NT5C2: variants seen among roughly 807,000 people sequenced by gnomAD.
NT5C2 encodes the protein cytosolic purine 5'-nucleotidase.
NT5C2 carries 58 observed loss-of-function variants against 76.1 expected under a neutral mutation model. That is an observed-to-expected ratio of 0.76 (90% CI 0.62 to 0.95). NT5C2 has a LOEUF of 0.95. NT5C2 is among the 40% of genes least tolerant of loss of function. The pLI is 0.00. For missense variants in NT5C2, 478 were observed against 690.3 expected (o/e 0.69, Z 3.45); for synonymous variants, 229 against 237.4 (o/e 0.96, Z 0.32).
intron 2 of NT5C2, among the ~76,000 whole-genome samples, chr10:103,175,292 G>A (rs1252281109): frequency 1.3e-5 from 2 of 152,302 alleles, no homozygotes; most frequent in Middle Eastern, 3.4e-3. Context: ...CAGCACAGCA[G>A]TTTGTGAAGA....
intron 3 of NT5C2, among the ~76,000 whole-genome samples, chr10:103,161,039 T>C (rs2084730295): frequency 6.6e-6 from 1 of 152,098 alleles, no homozygotes; most frequent in South Asian, 2.1e-4. Context: ...GATGAGGATT[T>C]GGAGAAACTG....
intron 5 of NT5C2, 51 bp downstream of exon 5, chr10:103,106,538 A>C: frequency 9.1e-7 from 1 of 1,099,042 alleles, no homozygotes; most frequent in Non-Finnish European, 1.4e-6. Context: ...TTGAGGGGTA[A>C]GGAAAGTAGT....
rs1296726623 is a variant in NT5C2 at position 103,093,325 on chromosome 10, G to C, written c.989-16C>G. Reference sequence around the variant, plus strand: ...TCAGAAGAACCTGAACCAACAGAGTGAACAATGAGAAAACTGTCCCTATAT... The same window carrying C: ...TCAGAAGAACCTGAACCAACAGAGTCAACAATGAGAAAACTGTCCCTATAT... On this transcript the variant is annotated splice_polypyrimidine_tract_variant and intron_variant, in intron 14 of 18. Transcript: ENST00000404739. The C allele has an allele frequency of 6.6e-7, 1 of 1,520,348 alleles. No individual in the cohort carries two copies. The highest frequency in any genetic ancestry group is 2.4e-5 in the East Asian group (1 of 42,120). 94.2% of individuals were successfully genotyped at this position (1,520,348 alleles called of 1,614,324 possible).
intron 4 of NT5C2, among the ~76,000 whole-genome samples, chr10:103,129,562 C>T (rs1480645352): frequency 1.1e-3 from 109 of 98,994 alleles, no homozygotes; most frequent in African/African-American, 3.1e-3. Context: ...CCGCCCCGTC[C>T]GGGAGGGAGG....
intron 4 of NT5C2, among the ~76,000 whole-genome samples, chr10:103,138,593 C>T (rs1309578877): frequency 6.6e-6 from 1 of 152,120 alleles, no homozygotes. Context: ...CATTCATGTC[C>T]CTGCAAAAGG....
intron 4 of NT5C2, chr10:103,111,847 A>G: frequency 8.5e-7 from 1 of 1,178,342 alleles, no homozygotes; most frequent in Non-Finnish European, 1.1e-6. Context: ...CAAAAACAAA[A>G]ACAAAAGCTG....
chr10:103,141,797 G>C (rs937381325), intron 3 of NT5C2, among the ~76,000 whole-genome samples: 8 of 152,194 alleles, frequency 5.3e-5, no homozygotes, highest in Admixed American at 5.2e-4. Flanking sequence ...ACAAAAGACT[G>C]TACCAGCCCT....
intron 3 of NT5C2, among the ~76,000 whole-genome samples, chr10:103,162,771 A>AT (rs1054777620): frequency 6.6e-6 from 1 of 152,150 alleles, no homozygotes; most frequent in Non-Finnish European, 1.5e-5. Context: ...CATTATTCTT[A>AT]TTTTTTTCAA....
intron 15 of NT5C2, 73 bp downstream of exon 15, chr10:103,093,066 G>T: frequency 1.5e-6 from 2 of 1,314,122 alleles, no homozygotes; most frequent in Non-Finnish European, 2.0e-6. Context: ...CAAAGTAATG[G>T]TTTATCAAAG....
At chr10:103,112,297 C>T (rs985074464) in intron 4 of NT5C2, among the ~76,000 whole-genome samples, 1 of 152,016 alleles carries the variant, frequency 6.6e-6, no homozygotes, top group African/African-American at 2.4e-5. Context: ...TCTACCTATA[C>T]CTAACTACTA....
intron 4 of NT5C2, among the ~76,000 whole-genome samples, chr10:103,130,310 T>TA (rs2077882918): frequency 6.6e-6 from 1 of 151,788 alleles, no homozygotes; most frequent in Admixed American, 6.6e-5. Flanking sequence ...TTAAATGGAT[T>TA]AAGGGCGGTG....
intron 1 of NT5C2, among the ~76,000 whole-genome samples, chr10:103,190,840 G>C (rs1009487572): frequency 6.6e-6 from 1 of 152,178 alleles, no homozygotes; most frequent in East Asian, 1.9e-4. Flanking sequence ...CTGTGTGCCA[G>C]GCATTGTTGA....
At chr10:103,136,329 A>G (rs914275074) in intron 4 of NT5C2, among the ~76,000 whole-genome samples, 1 of 152,246 alleles carries the variant, frequency 6.6e-6, no homozygotes, top group Admixed American at 6.5e-5. Flanking sequence ...TCTCAGAGTC[A>G]TATGTAAAAT....
At chr10:103,141,974 TAATC>T (rs1307026490) in intron 3 of NT5C2, among the ~76,000 whole-genome samples, 2 of 152,210 alleles carry the variant, frequency 1.3e-5, no homozygotes, top group African/African-American at 4.8e-5. Flanking sequence ...AACTGAATCT[TAATC>T]AATCAGTAGT....
chr10:103,098,257 A>T (rs926258403), intron 10 of NT5C2: 17 of 299,956 alleles, frequency 5.7e-5, no homozygotes, highest in African/African-American at 9.3e-5. Context: ...TATAATTATG[A>T]AAAGTATGAA....
chr10:103,133,486 C>G lies in NT5C2; in HGVS notation c.175+5920G>C, dbSNP rs991618595. 3.9e-5 allele frequency among the ~76,000 whole-genome samples: 6 copies of G among 152,270 alleles called. No homozygotes were observed. The South Asian group carries it at 6.2e-4, about 16-fold the overall frequency. On this transcript the variant is annotated intron_variant, in intron 4 of 18. Coordinates refer to ENST00000404739, the MANE Select transcript of NT5C2 (RefSeq NM_001351169.2). ...ATGTTGGCCAGGCAGGTCTCGAACT[C>G]CTGACCTCAGGTGATCTGCCCACTT...
At chr10:103,141,271 A>T (rs769284850) in intron 3 of NT5C2, among the ~76,000 whole-genome samples, 1 of 152,192 alleles carries the variant, frequency 6.6e-6, no homozygotes, top group Admixed American at 6.5e-5. Context: ...AGCCTAGGTT[A>T]ACATGGTGAG....
chr10:103,167,164 C>T (rs1350703422), intron 3 of NT5C2, among the ~76,000 whole-genome samples: 3 of 151,744 alleles, frequency 2.0e-5, no homozygotes, highest in East Asian at 1.9e-4. Context: ...TACAGGCACC[C>T]GCCACCACAC....
intron 4 of NT5C2, among the ~76,000 whole-genome samples, chr10:103,120,115 G>A (rs2075363345): frequency 6.6e-6 from 1 of 150,918 alleles, no homozygotes; most frequent in Non-Finnish European, 1.5e-5. Flanking sequence ...AAAAAAGGAA[G>A]AAAAGAAAAG....
Sources: gnomAD v4.1 joint callset for allele counts (sites outside exome capture counted in the v4.1 genomes callset) on GRCh38, gnomAD v4.1.1 for gene constraint, MANE v1.5 for transcripts, NCBI Gene and HGNC (gene_info 2026-07-23, HGNC 2026-07-21) for gene names.